Variants in RBFOX1 observed in about 807,000 individuals in gnomAD.
RBFOX1 encodes RNA binding protein fox-1 homolog 1.
RBFOX1 carries 8 observed loss-of-function variants against 57.7 expected under a neutral mutation model. The ratio of observed to expected loss-of-function variants is 0.14; its 90% CI spans 0.08 to 0.25. RBFOX1 has a LOEUF of 0.25. RBFOX1 is among the 10% of genes least tolerant of loss of function. RBFOX1 has a pLI of 1.00. For synonymous variants in RBFOX1, 326 were observed against 222.4 expected, an observed-to-expected ratio of 1.47 and a Z score of -4.15; for missense variants, 611 against 548.5, an observed-to-expected ratio of 1.11 and a Z score of -1.14.
At position 7,644,313 on chromosome 16, in the gene RBFOX1, A is replaced by G. The variant is rs139782893; in HGVS notation, c.758-9502A>G. ...TAATCTCCGGGTCTGGCAATTAGCA[A>G]GTGCTAGTAAATCCTAGCTGTTATC... On this transcript the variant is annotated intron_variant, in intron 11 of 15. Coordinates refer to ENST00000550418, the MANE Select transcript of RBFOX1 (RefSeq NM_018723.4). 2.1e-4 allele frequency among the ~76,000 whole-genome samples: 32 copies of G among 152,316 alleles called. No homozygotes were observed. The East Asian group carries it at 6.2e-3, about 29-fold the overall frequency.
intron 3 of RBFOX1, among the ~76,000 whole-genome samples, chr16:6,896,418 C>A (rs1228362223): frequency 1.3e-5 from 2 of 152,166 alleles, no homozygotes; most frequent in Non-Finnish European, 2.9e-5. Flanking sequence ...ACCATCCCTA[C>A]TTTCCCCTCT....
At chr16:6,948,375 C>CCTTTTTTT (rs2079988899) in intron 3 of RBFOX1, among the ~76,000 whole-genome samples, 1 of 67,968 alleles carries the variant, frequency 1.5e-5, no homozygotes, top group East Asian at 3.6e-4. Flanking sequence ...TTCTCCCTTT[C>CCTTTTTTT]TTTTTTTTTT....
intron 4 of RBFOX1, among the ~76,000 whole-genome samples, chr16:5,938,662 G>T (rs922030532): frequency 2.0e-5 from 3 of 151,976 alleles, no homozygotes; most frequent in Non-Finnish European, 2.9e-5. Context: ...TTACACCTGG[G>T]GTCATTTTTT....
chr16:5,834,383 T>G (rs2056382296), intron 3 of RBFOX1, among the ~76,000 whole-genome samples: 1 of 152,208 alleles, frequency 6.6e-6, no homozygotes, highest in African/African-American at 2.4e-5. Context: ...TTACCTCACT[T>G]AGAATAATGG....
chr16:6,300,543 A>T (rs1184835673), intron 1 of RBFOX1, among the ~76,000 whole-genome samples: 1 of 152,224 alleles, frequency 6.6e-6, no homozygotes, highest in East Asian at 1.9e-4. Context: ...TAAAGTATTT[A>T]GCGGAGTACT....
chr16:7,710,478 TCTC>T (rs1328478977), intron 15 of RBFOX1, 142 bp from the exon 16 acceptor site: 19 of 1,517,852 alleles, frequency 1.3e-5, no homozygotes, highest in Non-Finnish European at 1.5e-5. Flanking sequence ...TATCTTTAGT[TCTC>T]CAAGAATGAC....
At chr16:6,442,226 G>C (rs564117356) in intron 2 of RBFOX1, among the ~76,000 whole-genome samples, 1 of 152,100 alleles carries the variant, frequency 6.6e-6, no homozygotes, top group African/African-American at 2.4e-5. Flanking sequence ...GCTTAAAGGG[G>C]GACACATCCA....
chr16:6,857,089 A>G (rs2058051982), intron 3 of RBFOX1, among the ~76,000 whole-genome samples: 1 of 152,126 alleles, frequency 6.6e-6, no homozygotes, highest in Non-Finnish European at 1.5e-5. Context: ...ATTTGTTGTG[A>G]AGTGATTGCT....
intron 4 of RBFOX1, among the ~76,000 whole-genome samples, chr16:7,187,256 G>T (rs930408905): frequency 1.3e-5 from 2 of 152,094 alleles, no homozygotes; most frequent in African/African-American, 4.8e-5. Flanking sequence ...GGAACAAGTA[G>T]CATAACACAG....
chr16:7,251,353 C>CT (rs142048734), intron 4 of RBFOX1, among the ~76,000 whole-genome samples: 2,029 of 149,506 alleles, frequency 0.014, 45 homozygotes, highest in African/African-American at 0.047. Context: ...GAATTTATCT[C>CT]TTTTTAGGGC....
At chr16:6,787,533 TA>T (rs1165563522) in intron 3 of RBFOX1, among the ~76,000 whole-genome samples, 5 of 152,182 alleles carry the variant, frequency 3.3e-5, no homozygotes, top group African/African-American at 1.2e-4. Context: ...AAATTGGGTG[TA>T]AACTGTATTA....
chr16:6,433,846 CTTTTTTTTTTTT>C (rs201617630), intron 2 of RBFOX1, among the ~76,000 whole-genome samples: 1 of 127,178 alleles, frequency 7.9e-6, no homozygotes, highest in African/African-American at 3.0e-5. Context: ...TTTCATTTTT[CTTTTTTTTTTTT>C]TTTTTTGAGA....
chr16:5,325,333 T>C lies in RBFOX1; in HGVS notation c.219+85228T>C, dbSNP rs1165686994. Among the ~76,000 whole-genome samples, 3 of 152,230 alleles carry C rather than the reference T, an allele frequency of 2.0e-5. No individual in the cohort carries two copies. The East Asian group carries it at 5.8e-4, about 29-fold the overall frequency. On this transcript the variant is annotated intron_variant, in intron 1 of 2. Coordinates refer to the RBFOX1 transcript ENST00000585867. ...AAACACGAGACTCACTTGTCCTTTG[T>C]ATCTGCATTTACTTTTCTTTGACAA...
At chr16:6,846,455 A>T (rs1487753206) in intron 3 of RBFOX1, among the ~76,000 whole-genome samples, 1 of 152,222 alleles carries the variant, frequency 6.6e-6, no homozygotes, top group Non-Finnish European at 1.5e-5. Flanking sequence ...TTCTATAAGA[A>T]GACACCTGGG....
At chr16:5,978,211 G>C (rs1222567963) in intron 4 of RBFOX1, among the ~76,000 whole-genome samples, 1 of 148,852 alleles carries the variant, frequency 6.7e-6, no homozygotes, top group Non-Finnish European at 1.5e-5. Context: ...ATACTCAGGA[G>C]GCTGAGGTGG....
chr16:6,358,114 C>A (rs185531410), intron 2 of RBFOX1, among the ~76,000 whole-genome samples: 2 of 152,060 alleles, frequency 1.3e-5, no homozygotes, highest in Admixed American at 6.6e-5. Context: ...CCTGGATGTA[C>A]CCTCCAACTG....
intron 3 of RBFOX1, among the ~76,000 whole-genome samples, chr16:5,840,840 G>A (rs1279876233): frequency 4.6e-5 from 7 of 152,144 alleles, no homozygotes; most frequent in African/African-American, 9.7e-5. Context: ...CAGTGTTGCC[G>A]AGAGCCAGTG....
At chr16:5,531,231 C>T (rs893284219) in intron 2 of RBFOX1, among the ~76,000 whole-genome samples, 1 of 152,128 alleles carries the variant, frequency 6.6e-6, no homozygotes, top group Non-Finnish European at 1.5e-5. Context: ...ACCTCAGGCA[C>T]TCTGGGGTGG....
chr16:7,113,176 G>C (rs1400513279), intron 4 of RBFOX1, among the ~76,000 whole-genome samples: 1 of 152,150 alleles, frequency 6.6e-6, no homozygotes, highest in Non-Finnish European at 1.5e-5. Context: ...TAAATACACA[G>C]ATACATAAAT....
Sources: gnomAD v4.1 joint callset for allele counts (sites outside exome capture counted in the v4.1 genomes callset) on GRCh38, gnomAD v4.1.1 for gene constraint, MANE v1.5 for transcripts, NCBI Gene and HGNC (gene_info 2026-07-23, HGNC 2026-07-21) for gene names.